Variants in SMOX observed in about 807,000 individuals in gnomAD.
The protein encoded by SMOX is spermine oxidase, also known as flavin containing amine oxidase.
In SMOX, 22 loss-of-function variants were observed where a neutral mutation model predicts 51.0. That is an observed-to-expected ratio of 0.43 (90% confidence interval 0.31 to 0.62). The LOEUF is 0.62. SMOX is among the 20% of genes least tolerant of loss of function. The pLI is 0.10. For missense variants in SMOX, 566 were observed against 777.7 expected, an observed-to-expected ratio of 0.73 and a Z score of 3.24; for synonymous variants, 282 against 307.8, an observed-to-expected ratio of 0.92 and a Z score of 0.88.
In SMOX at chr20:4,153,773, T is replaced by TG. The variant is rs894375061; in HGVS notation, c.-27+4801dup. 6.6e-6 allele frequency among the ~76,000 whole-genome samples: 1 copy of TG among 152,134 alleles called. No homozygotes were observed. The highest frequency in any genetic ancestry group is 1.5e-5 in the Non-Finnish European group (1 of 68,018). ...GGCTCCCTTCTCTGGCAGGGGAGCATGGGGGAGGCCTGTCCACGGTGCCCA... is the reference window on the plus strand; with the variant it reads ...GGCTCCCTTCTCTGGCAGGGGAGCATGGGGGGAGGCCTGTCCACGGTGCCCA... On this transcript the variant is annotated intron_variant, in intron 1 of 6. Transcript: ENST00000305958. The surrounding 1 kb of genome is among the most constrained non-coding windows in gnomAD (Gnocchi z 4.4).
chr20:4,168,598 C>T (rs1390233410), intron 1 of SMOX, among the ~76,000 whole-genome samples: 1 of 151,674 alleles, frequency 6.6e-6, no homozygotes, highest in African/African-American at 2.4e-5. Context: ...GCTCTGTCAC[C>T]CAGGCTGGAG....
rs1396238385 is a variant in SMOX, at chr20:4,182,283, G to A, written c.804G>A (p.Gln268=). ...CTGTCCGCTGCATTCACTGGGACCA[G>A]GCCTCAGCCCGCCCCAGAGGCCCTG... ...GKPVRCIHWD[Q]ASARPRGPEI... The change falls in exon 5 of 7, where the codon CAG becomes CAA. Residue 268 remains glutamine, a synonymous_variant. Coordinates refer to ENST00000305958, the MANE Select transcript of SMOX (RefSeq NM_175839.3). This position sits in a 1 kb window ranked among gnomAD's most constrained non-coding sequence, Gnocchi z 8.4. 1.2e-6 allele frequency: 2 copies of A among 1,610,572 alleles called. No homozygotes were observed. The highest frequency in any genetic ancestry group is 2.2e-5 in the East Asian group (1 of 44,748).
At chr20:4,171,707 G>C (rs912042532) in intron 1 of SMOX, 4 of 152,338 alleles carry the variant, frequency 2.6e-5, no homozygotes, top group Non-Finnish European at 4.4e-5. Context: ...GGAGCTGGGG[G>C]TTCTTTCTGT....
chr20:4,154,332 T>G, intron 1 of SMOX, among the ~76,000 whole-genome samples: 1 of 152,182 alleles, frequency 6.6e-6, no homozygotes, highest in Non-Finnish European at 1.5e-5. Flanking sequence ...TCCTGTCTGA[T>G]TCACCAGGTC....
At chr20:4,164,380 A>T (rs571171276) in intron 1 of SMOX, among the ~76,000 whole-genome samples, 1 of 152,316 alleles carries the variant, frequency 6.6e-6, no homozygotes, top group East Asian at 1.9e-4. Context: ...AGCCATCTGC[A>T]TGCGTTGTCA....
At chr20:4,174,934 C>T in intron 1 of SMOX, 96 bp from the exon 2 acceptor site, 2 of 1,286,150 alleles carry the variant, frequency 1.6e-6, no homozygotes, top group South Asian at 1.3e-5. Context: ...CCACCCACAA[C>T]AGAGGGCAGA....
Position 4,182,475 on chromosome 20 carries a change from G to T in SMOX, c.996G>T (p.Val332=). Residue 332 remains valine (V), a synonymous_variant, in exon 5 of 7, where the codon GTG becomes GTT. Transcript: ENST00000305958. This position sits in a 1 kb window ranked among gnomAD's most constrained non-coding sequence, Gnocchi z 8.4. ...CGGCGGACCATGTGATTGTGACCGT[G>T]TCGCTAGGTGTGCTAAAGAGGCAGT... The part of the protein sequence containing the change: ...LIPADHVIVT[V]SLGVLKRQYT... 1 of 1,599,314 alleles carries T rather than the reference G, an allele frequency of 6.3e-7. No homozygotes were observed. Among genetic ancestry groups the T allele is most frequent in the Non-Finnish European group, 8.5e-7 (1 of 1,171,660 alleles).
chr20:4,183,101 G>A lies in SMOX; in HGVS notation c.1369+253G>A. On this transcript the variant is annotated intron_variant, in intron 5 of 6. Transcript: ENST00000305958. This position sits in a 1 kb window ranked among gnomAD's most constrained non-coding sequence, Gnocchi z 4.3. ...CTAAAGGCTGATGGTAAAACACTCA[G>A]AGATCACCGCCCATTGTGCTCTGTT... The A allele has an allele frequency of 1.7e-6, 1 of 600,720 alleles. No individual in the cohort carries two copies. Among genetic ancestry groups the A allele is most frequent in the South Asian group, 2.1e-5 (1 of 47,934 alleles). 37.2% of individuals were successfully genotyped at this position (600,720 alleles called of 1,614,324 possible). A position where few individuals can be genotyped will look rare whatever the true frequency, so the allele number is the denominator to read the frequency against.
At position 4,187,226 on chromosome 20, in the gene SMOX, C is replaced by T. The variant is rs370136344; in HGVS notation, c.1531-44C>T. ...AGGGGTGGCCTTGTGGCCTTCTGGC[C>T]TTTGCTGCTCCTCCACCCTGACCTC... On this transcript the variant is annotated intron_variant, in intron 6 of 6. Transcript: ENST00000305958. The surrounding 1 kb of genome is among the most constrained non-coding windows in gnomAD (Gnocchi z 4.8). The T allele has an allele frequency of 1.1e-5, 18 of 1,584,110 alleles. No homozygotes were observed. In the African/African-American group the frequency reaches 2.3e-4, roughly 20 times the overall value.
At chr20:4,168,759 G>A (rs577590204) in intron 1 of SMOX, among the ~76,000 whole-genome samples, 4 of 151,990 alleles carry the variant, frequency 2.6e-5, no homozygotes, top group Admixed American at 2.6e-4. Context: ...GTTTCACCAT[G>A]TTGGCCAGGC....
chr20:4,185,096 A>G (rs1368407912), intron 6 of SMOX, among the ~76,000 whole-genome samples: 3 of 152,246 alleles, frequency 2.0e-5, no homozygotes, highest in South Asian at 2.1e-4. Context: ...ACATAGACAC[A>G]TGACTGCACC....
At chr20:4,168,442 G>A (rs549944514) in intron 1 of SMOX, among the ~76,000 whole-genome samples, 20 of 152,260 alleles carry the variant, frequency 1.3e-4, no homozygotes, top group South Asian at 2.1e-4. Flanking sequence ...TCTGGGAAGC[G>A]GATTAGGAAA....
chr20:4,152,210 A>G (rs1600790793), intron 1 of SMOX, among the ~76,000 whole-genome samples: 1 of 152,166 alleles, frequency 6.6e-6, no homozygotes, highest in East Asian at 1.9e-4. Context: ...GTAGAAATGC[A>G]AGCTGGGTCA....
rs185013005 is a variant in SMOX, at chr20:4,164,667, G to A, written c.-26-10363G>A. ...GAAGTGTCTCTTCCTGGGGTTCGCC[G>A]AAGGCTGTGGTGACTTGGGTGCCTC... On this transcript the variant is annotated intron_variant, in intron 1 of 6. Transcript: ENST00000305958. Among the ~76,000 whole-genome samples, 360 of 152,296 alleles carry A rather than the reference G, an allele frequency of 2.4e-3. 5 individuals are homozygous for A. The highest frequency in any genetic ancestry group is 8.3e-3 in the African/African-American group (343 of 41,562).
chr20:4,182,422 G>A lies in SMOX; in HGVS notation c.943G>A (p.Val315Met). The change falls in exon 5 of 7, where the codon GTG becomes ATG. Residue 315 changes from valine (V) to methionine (M), a missense_variant. Transcript: ENST00000305958. The surrounding 1 kb of genome is among the most constrained non-coding windows in gnomAD (Gnocchi z 8.4). ...TGAGGATGAGCAGTGGTCGGTGGTGGTGGAGTGCGAGGACTGTGAGCTGAT... is the reference window on the plus strand; with the variant it reads ...TGAGGATGAGCAGTGGTCGGTGGTGATGGAGTGCGAGGACTGTGAGCTGAT... ...WDEDEQWSVV[V>M]ECEDCELIPA... The A allele has an allele frequency of 6.2e-7, 1 of 1,602,870 alleles. No individual in the cohort carries two copies. The highest frequency in any genetic ancestry group is 1.1e-5 in the South Asian group (1 of 88,612).
rs549427375 is a variant in SMOX, at chr20:4,156,929, G to C, written c.-27+7952G>C. 1.2e-4 allele frequency among the ~76,000 whole-genome samples: 19 copies of C among 152,268 alleles called. No homozygotes were observed. In the South Asian group the frequency reaches 3.9e-3, roughly 32 times the overall value. Reference sequence around the variant, plus strand: ...TGCTAATTTTTGTGTTTTTAGTAGAGGTGGGGTTTCACCGTGTTGCCCAGG... The same window carrying C: ...TGCTAATTTTTGTGTTTTTAGTAGACGTGGGGTTTCACCGTGTTGCCCAGG... On this transcript the variant is annotated intron_variant, in intron 1 of 6. Coordinates refer to ENST00000305958, the MANE Select transcript of SMOX (RefSeq NM_175839.3).
intron 3 of SMOX, among the ~76,000 whole-genome samples, chr20:4,180,727 A>G (rs1979258161): frequency 6.6e-6 from 1 of 151,814 alleles, no homozygotes; most frequent in Non-Finnish European, 1.5e-5. Context: ...CTGCTTCTCC[A>G]TCTTTGAGGT....
At chr20:4,163,917 C>T (rs914710296) in intron 1 of SMOX, among the ~76,000 whole-genome samples, 6 of 152,152 alleles carry the variant, frequency 3.9e-5, no homozygotes, top group Non-Finnish European at 5.9e-5. Context: ...TCTGCAATAT[C>T]CTGTTAGCTG....
At chr20:4,175,688 T>C (rs550180472) in intron 2 of SMOX, among the ~76,000 whole-genome samples, 32 of 151,990 alleles carry the variant, frequency 2.1e-4, no homozygotes, top group Non-Finnish European at 4.3e-4. Flanking sequence ...TTAGCAGAGA[T>C]GAAAGGGGAT....
Sources: gnomAD v4.1 joint callset for allele counts (sites outside exome capture counted in the v4.1 genomes callset) on GRCh38, gnomAD v4.1.1 for gene constraint, Gnocchi (gnomAD v3.1) non-coding constraint, MANE v1.5 for transcripts, NCBI Gene and HGNC (gene_info 2026-07-23, HGNC 2026-07-21) for gene names.